Variants in SYNE2 observed in about 807,000 individuals in gnomAD.
SYNE2 encodes the protein spectrin repeat containing nuclear envelope protein 2, also known as nesprin-2.
SYNE2 carries 431 observed loss-of-function variants against 856.3 expected under a neutral mutation model. That is an observed-to-expected ratio of 0.50 (90% CI 0.47 to 0.55). The LOEUF is 0.55. Ranked by LOEUF, SYNE2 falls within the 20% of genes least tolerant of loss-of-function variation. The probability of loss-of-function intolerance (pLI) is 0.00; values close to 1 mark genes in which losing one functional copy is unlikely to be tolerated. For missense variants in SYNE2, 8,129 were observed against 8,023.2 expected, an observed-to-expected ratio of 1.01 and a Z score of -0.50; for synonymous variants, 2,923 against 2,872.3, an observed-to-expected ratio of 1.02 and a Z score of -0.56.
chr14:64,160,355 A>T (rs1483747730), intron 87 of SYNE2, among the ~76,000 whole-genome samples: 2 of 152,262 alleles, frequency 1.3e-5, no homozygotes, highest in Non-Finnish European at 2.9e-5. Context: ...AAAAACATGC[A>T]TAACAAAAAG....
At chr14:63,974,872 G>GTC (rs2096524146) in intron 11 of SYNE2, among the ~76,000 whole-genome samples, 1 of 33,040 alleles carries the variant, frequency 3.0e-5, no homozygotes, top group African/African-American at 1.1e-4. Context: ...GTGTGTGTGT[G>GTC]TGTGTGTGTG....
intron 1 of SYNE2, among the ~76,000 whole-genome samples, chr14:63,895,708 C>T (rs1349173638): frequency 7.4e-6 from 1 of 135,816 alleles, no homozygotes; most frequent in African/African-American, 2.8e-5. Context: ...GCAAAGGTGG[C>T]AGTGAGTTGA....
chr14:63,924,844 T>G (rs1351842083), intron 2 of SYNE2, among the ~76,000 whole-genome samples: 2 of 102,128 alleles, frequency 2.0e-5, no homozygotes, highest in African/African-American at 7.2e-5. Context: ...GTTTTTTTTT[T>G]TTTTTTTTTT....
intron 11 of SYNE2, among the ~76,000 whole-genome samples, chr14:63,974,154 C>T (rs901549925): frequency 2.0e-5 from 3 of 152,198 alleles, no homozygotes; most frequent in Admixed American, 6.5e-5. Context: ...AAAATACAGA[C>T]TTAAGACCAG....
Position 64,224,503 on chromosome 14 carries a change from G to C in SYNE2, c.20425G>C (p.Gly6809Arg), listed in dbSNP as rs1411937992. 2 of 1,613,976 alleles carry C rather than the reference G, an allele frequency of 1.2e-6. No individual in the cohort carries two copies. The change falls in exon 114 of 116, where the codon GGG becomes CGG. Residue 6809 changes from glycine to arginine, a missense_variant. Coordinates refer to ENST00000555002, the MANE Select transcript of SYNE2 (RefSeq NM_182914.3). ...PLPSFDEVDS[G>R]DQPPATSVPA... The stretch of plus-strand genomic sequence containing the variant: ...GCCCAGCTTCGACGAGGTAGACTCG[G>C]GGGACCAGCCTCCTGCAACATCCGT...
intron 1 of SYNE2, among the ~76,000 whole-genome samples, chr14:63,777,596 T>C (rs1301776031): frequency 6.6e-6 from 1 of 152,216 alleles, no homozygotes; most frequent in Non-Finnish European, 1.5e-5. Flanking sequence ...ATAATTATTA[T>C]AATTTAAAAT....
chr14:63,866,167 A>G (rs1895268067), intron 1 of SYNE2, among the ~76,000 whole-genome samples: 3 of 152,216 alleles, frequency 2.0e-5, no homozygotes, highest in African/African-American at 7.2e-5. Flanking sequence ...CTGGTGAACA[A>G]TTAGAACACT....
chr14:63,991,750 C>A (rs932296506), intron 21 of SYNE2, among the ~76,000 whole-genome samples: 1 of 152,090 alleles, frequency 6.6e-6, no homozygotes, highest in Non-Finnish European at 1.5e-5. Flanking sequence ...TACCTTGGAG[C>A]AAATTGGAGA....
chr14:64,019,572 G>A lies in SYNE2; in HGVS notation c.5050-420G>A, dbSNP rs371004370. Among the ~76,000 whole-genome samples the A allele has an allele frequency of 5.2e-4, 79 of 152,234 alleles. 1 individual carries two copies. The South Asian group carries it at 7.0e-3, about 14-fold the overall frequency. ...CCTTTAAATTTGTCTTGGATTACAG[G>A]TTGTTTAAAAATCTGAAGTTAAGAA... On this transcript the variant is annotated intron_variant, in intron 34 of 115. Coordinates refer to ENST00000555002, the MANE Select transcript of SYNE2 (RefSeq NM_182914.3).
chr14:64,096,182 C>CA (rs2097675435), intron 61 of SYNE2, among the ~76,000 whole-genome samples: 1 of 152,122 alleles, frequency 6.6e-6, no homozygotes, highest in African/African-American at 2.4e-5. Context: ...TACGGCAGCA[C>CA]AAATAAACTA....
intron 1 of SYNE2, among the ~76,000 whole-genome samples, chr14:63,832,759 T>C (rs1889715126): frequency 1.3e-5 from 2 of 149,780 alleles, no homozygotes; most frequent in Non-Finnish European, 3.0e-5. Context: ...CCGGGTGCCA[T>C]GGCTCACACC....
Position 64,140,181 on chromosome 14 carries a change from G to T in SYNE2, c.14976+108G>T, listed in dbSNP as rs532883749. 6 of 1,132,696 alleles carry T rather than the reference G, an allele frequency of 5.3e-6. No homozygotes were observed. The East Asian group carries it at 1.2e-4, about 23-fold the overall frequency. The allele number at this position is 1,132,696 out of a possible 1,614,324, so 70.2% of individuals were successfully genotyped here. On this transcript the variant is annotated intron_variant, in intron 80 of 115. Coordinates refer to ENST00000555002, the MANE Select transcript of SYNE2 (RefSeq NM_182914.3). Reference sequence around the variant, plus strand: ...CTTCGTATTTATTTGTGGATAAGGGGTAAGACTTGGGCGAATGGCAGCTGT... The same window carrying T: ...CTTCGTATTTATTTGTGGATAAGGGTTAAGACTTGGGCGAATGGCAGCTGT...
chr14:64,060,845 C>G (rs2097311226), intron 49 of SYNE2, among the ~76,000 whole-genome samples: 1 of 152,156 alleles, frequency 6.6e-6, no homozygotes, highest in South Asian at 2.1e-4. Context: ...GGCAGTTGCC[C>G]TCTGGCTAGG....
chr14:64,108,490 TG>T (rs906642031), intron 65 of SYNE2, among the ~76,000 whole-genome samples: 1 of 152,128 alleles, frequency 6.6e-6, no homozygotes, highest in Admixed American at 6.6e-5. Flanking sequence ...CAGCAGGGTG[TG>T]GGGGATGGGT....
intron 1 of SYNE2, among the ~76,000 whole-genome samples, chr14:63,835,425 G>A (rs1366434583): frequency 6.6e-6 from 1 of 152,006 alleles, no homozygotes; most frequent in Non-Finnish European, 1.5e-5. Flanking sequence ...TAGAGACGGG[G>A]TTTCACCACA....
At chr14:63,891,862 A>G (rs939444197) in intron 1 of SYNE2, among the ~76,000 whole-genome samples, 3 of 152,152 alleles carry the variant, frequency 2.0e-5, no homozygotes, top group African/African-American at 4.8e-5. Flanking sequence ...TGGGTCGGTT[A>G]TAGTAGTGTG....
chr14:63,980,204 A>G (rs2096575267), intron 14 of SYNE2, among the ~76,000 whole-genome samples: 1 of 152,188 alleles, frequency 6.6e-6, no homozygotes, highest in Non-Finnish European at 1.5e-5. Context: ...AATTTGGTTA[A>G]TGGTAGTTTC....
At chr14:63,959,314 G>C (rs1354605268) in intron 8 of SYNE2, among the ~76,000 whole-genome samples, 5 of 11,614 alleles carry the variant, frequency 4.3e-4, no homozygotes, top group Admixed American at 3.6e-3. Flanking sequence ...TTTTTTTTTT[G>C]AGATGGAGTC....
chr14:63,850,307 C>T (rs550056700), upstream of SYNE2, among the ~76,000 whole-genome samples: 45 of 146,592 alleles, frequency 3.1e-4, no homozygotes, highest in Non-Finnish European at 5.4e-4. Context: ...AGGCTGGTCT[C>T]GAACTCCTGA....
Sources: gnomAD v4.1 joint callset for allele counts (sites outside exome capture counted in the v4.1 genomes callset) on GRCh38, gnomAD v4.1.1 for gene constraint, MANE v1.5 for transcripts, NCBI Gene and HGNC (gene_info 2026-07-23, HGNC 2026-07-21) for gene names.